The following RASGEF1C variants were observed in gnomAD, a reference collection of about 807,000 sequenced individuals.
RASGEF1C encodes RasGEF domain family member 1C, also known as ras-GEF domain-containing family member 1C.
RASGEF1C carries 27 observed loss-of-function variants against 58.1 expected under a neutral mutation model. The ratio of observed to expected loss-of-function variants is 0.46; its 90% confidence interval spans 0.34 to 0.64. RASGEF1C has a LOEUF of 0.64. Among genes scored for constraint, RASGEF1C ranks in the 30% least tolerant of loss-of-function variants. RASGEF1C has a pLI of 0.01. For synonymous variants in RASGEF1C, 243 were observed against 246.3 expected (o/e 0.99, Z 0.13); for missense variants, 502 against 605.1 (o/e 0.83, Z 1.79).
chr5:180,208,052 T>G (rs972186486), intron 1 of RASGEF1C, among the ~76,000 whole-genome samples: 1 of 152,162 alleles, frequency 6.6e-6, no homozygotes, highest in Admixed American at 6.5e-5. Context: ...TCAATGAATG[T>G]GGCCAGTGAG....
intron 11 of RASGEF1C, among the ~76,000 whole-genome samples, chr5:180,113,983 G>C (rs1247958054): frequency 6.6e-6 from 1 of 152,112 alleles, no homozygotes; most frequent in Admixed American, 6.5e-5. Flanking sequence ...GGAGACACTT[G>C]AGCTGAGAGT....
At chr5:180,183,203 C>T (rs1355334988) in intron 1 of RASGEF1C, among the ~76,000 whole-genome samples, 1 of 152,200 alleles carries the variant, frequency 6.6e-6, no homozygotes, top group Non-Finnish European at 1.5e-5. Context: ...GAAATAAATT[C>T]TGCCACCAGC....
At chr5:180,195,821 C>T (rs1756264932) in intron 1 of RASGEF1C, among the ~76,000 whole-genome samples, 1 of 152,054 alleles carries the variant, frequency 6.6e-6, no homozygotes. Context: ...GCAGGCCCGC[C>T]GTCCGGTGAG....
rs1420530346 is a variant in RASGEF1C, at chr5:180,143,668, T to C, written c.-6-5610A>G. ...ACGTTTCATATTGTGATTGTAAGGG[T>C]GGCAATTAATTCTATTTTTTTAAAA... On this transcript the variant is annotated intron_variant, in intron 1 of 13. Coordinates refer to ENST00000361132, the MANE Select transcript of RASGEF1C (RefSeq NM_175062.4). This position sits in a 1 kb window ranked among gnomAD's most constrained non-coding sequence, Gnocchi z 4.3. Among the ~76,000 whole-genome samples, 6 of 152,160 alleles carry C rather than the reference T, an allele frequency of 3.9e-5. No individual in the cohort carries two copies. The highest frequency in any genetic ancestry group is 8.8e-5 in the Non-Finnish European group (6 of 68,030).
intron 1 of RASGEF1C, among the ~76,000 whole-genome samples, chr5:180,164,910 T>C (rs1017430865): frequency 9.9e-5 from 15 of 152,242 alleles, no homozygotes; most frequent in African/African-American, 3.4e-4. Flanking sequence ...TGCCTTTCAG[T>C]TCTGTCCGTT....
intron 1 of RASGEF1C, among the ~76,000 whole-genome samples, chr5:180,140,007 G>A (rs948300785): frequency 6.6e-6 from 1 of 152,354 alleles, no homozygotes; most frequent in Non-Finnish European, 1.5e-5. Flanking sequence ...GGTGGGAGGT[G>A]CCATGCAGGG....
intron 12 of RASGEF1C, among the ~76,000 whole-genome samples, chr5:180,106,769 T>C (rs1235198616): frequency 6.6e-6 from 1 of 152,230 alleles, no homozygotes; most frequent in Non-Finnish European, 1.5e-5. Flanking sequence ...GTTCTGTAAA[T>C]GTTGATTAGA....
chr5:180,170,954 G>A (rs1281319310), intron 1 of RASGEF1C, among the ~76,000 whole-genome samples: 1 of 152,212 alleles, frequency 6.6e-6, no homozygotes, highest in African/African-American at 2.4e-5. Flanking sequence ...TGGAGAGTGG[G>A]GAGGAGGGGC....
chr5:180,102,940 T>TCCCAAAGA (rs1765814085), intron 12 of RASGEF1C, among the ~76,000 whole-genome samples: 1 of 152,254 alleles, frequency 6.6e-6, no homozygotes, highest in Non-Finnish European at 1.5e-5. Flanking sequence ...CAAAGAGTCT[T>TCCCAAAGA]GCTGGGATTT....
chr5:180,136,720 C>T (rs1484991246), intron 3 of RASGEF1C: 2 of 587,756 alleles, frequency 3.4e-6, no homozygotes, highest in Non-Finnish European at 6.0e-6. Context: ...AGGGCCATCT[C>T]TTGCTCTGGC....
At chr5:180,188,080 A>T (rs1010862258) in intron 1 of RASGEF1C, among the ~76,000 whole-genome samples, 2 of 152,240 alleles carry the variant, frequency 1.3e-5, no homozygotes, top group East Asian at 3.8e-4. Flanking sequence ...GAAACAACCC[A>T]CATGTCCATC....
intron 1 of RASGEF1C, among the ~76,000 whole-genome samples, chr5:180,195,269 C>T (rs899275132): frequency 7.9e-5 from 12 of 152,156 alleles, no homozygotes; most frequent in Non-Finnish European, 1.5e-5. Flanking sequence ...CCTTGAGGGA[C>T]CCTGCAGGGA....
rs1029694404 is a variant in RASGEF1C at position 180,185,414 on chromosome 5, A to G, written c.-7+23614T>C. Reference sequence around the variant, plus strand: ...ATCCTGGCCAACATGGTGAAATCCCATCTCTACTAAAAATACAAAAATTAG... The same window carrying G: ...ATCCTGGCCAACATGGTGAAATCCCGTCTCTACTAAAAATACAAAAATTAG... On this transcript the variant is annotated intron_variant, in intron 1 of 13. Transcript: ENST00000361132. Among the ~76,000 whole-genome samples the G allele has an allele frequency of 3.3e-5, 5 of 152,050 alleles. No homozygotes were observed. In the East Asian group the frequency reaches 7.8e-4, roughly 24 times the overall value.
intron 13 of RASGEF1C, 136 bp downstream of exon 13, chr5:180,101,935 G>T: frequency 1.5e-6 from 1 of 668,418 alleles, no homozygotes. Context: ...GGAGGCTGGT[G>T]AGCCGGGTAT....
intron 12 of RASGEF1C, among the ~76,000 whole-genome samples, chr5:180,103,982 G>A (rs566663017): frequency 6.6e-6 from 1 of 152,090 alleles, no homozygotes; most frequent in Non-Finnish European, 1.5e-5. Context: ...CACACTGATT[G>A]AATTTCAAAT....
At chr5:180,128,929 T>G in intron 4 of RASGEF1C, among the ~76,000 whole-genome samples, 9 of 145,560 alleles carry the variant, frequency 6.2e-5, no homozygotes, top group East Asian at 2.0e-4. Flanking sequence ...TGGGGTAGAG[T>G]GGGGTGGGCA....
chr5:180,135,136 G>A (rs1582274195), intron 4 of RASGEF1C: 1 of 147,062 alleles, frequency 6.8e-6, no homozygotes, highest in African/African-American at 2.5e-5. Context: ...ATTAGGGGAT[G>A]CGGAGGAGGG....
At chr5:180,152,969 G>C (rs1044056070) in intron 1 of RASGEF1C, among the ~76,000 whole-genome samples, 29 of 151,164 alleles carry the variant, frequency 1.9e-4, no homozygotes, top group Non-Finnish European at 3.2e-4. Flanking sequence ...ATCAGCATAA[G>C]GTATAAATGG....
In RASGEF1C at chr5:180,143,989, C is replaced by T. The variant is rs936885711; in HGVS notation, c.-6-5931G>A. On this transcript the variant is annotated intron_variant, in intron 1 of 13. Transcript: ENST00000361132. The surrounding 1 kb of genome is among the most constrained non-coding windows in gnomAD (Gnocchi z 4.3). ...CCCTGTGAGGACCACGCGCGTGTCT[C>T]AGGAAGACACCTGTGAGCTCTGAGA... Among the ~76,000 whole-genome samples, 1 of 152,164 alleles carries T rather than the reference C, an allele frequency of 6.6e-6. No individual in the cohort carries two copies. The highest frequency in any genetic ancestry group is 2.4e-5 in the African/African-American group (1 of 41,432).
Sources: gnomAD v4.1 joint callset for allele counts (sites outside exome capture counted in the v4.1 genomes callset) on GRCh38, gnomAD v4.1.1 for gene constraint, Gnocchi (gnomAD v3.1) non-coding constraint, MANE v1.5 for transcripts, NCBI Gene and HGNC (gene_info 2026-07-23, HGNC 2026-07-21) for gene names.